The following STYK1 variants were observed in gnomAD, a reference collection of about 807,000 sequenced individuals.
STYK1 encodes the protein STY kinase 1.
In STYK1, 46 loss-of-function variants were observed where a neutral mutation model predicts 48.1. The observed-to-expected ratio is 0.96, with a 90% CI of 0.75 to 1.22. The LOEUF (loss-of-function observed/expected upper bound fraction) is 1.22. STYK1 is among the 50% of genes most tolerant of loss of function. The pLI is 0.00. For synonymous variants in STYK1, 188 were observed against 189.0 expected, an observed-to-expected ratio of 0.99 and a Z score of 0.04; for missense variants, 527 against 521.1, an observed-to-expected ratio of 1.01 and a Z score of -0.11.
At chr12:10,645,531 A>G (rs1270261855) in intron 1 of STYK1, among the ~76,000 whole-genome samples, 1 of 152,174 alleles carries the variant, frequency 6.6e-6, no homozygotes, top group Non-Finnish European at 1.5e-5. Context: ...ACAAAGCCTA[A>G]ACACACACAC....
intron 6 of STYK1, 34 bp downstream of exon 6, chr12:10,629,459 C>T: frequency 6.2e-7 from 1 of 1,610,314 alleles, no homozygotes; most frequent in South Asian, 1.1e-5. Flanking sequence ...AAGGTCAAGC[C>T]TTAACCTCCT....
intron 1 of STYK1, among the ~76,000 whole-genome samples, chr12:10,651,463 G>A (rs942257348): frequency 2.6e-5 from 4 of 152,038 alleles, no homozygotes; most frequent in African/African-American, 7.2e-5. Context: ...AATTGGGTTT[G>A]CAATATTATC....
In STYK1 at chr12:10,634,070, A is replaced by G. The variant is rs997416875; in HGVS notation, c.107T>C (p.Ile36Thr). Reference sequence around the variant, plus strand: ...GATGACCCCAAGAAGGATGAGGAAGATAGTAACCAACAAAGTTGGGACGAT... The same window carrying G: ...GATGACCCCAAGAAGGATGAGGAAGGTAGTAACCAACAAAGTTGGGACGAT... ...VIIVPTLLVT[I>T]FLILLGVILW... Residue 36 changes from isoleucine (I) to threonine (T), a missense_variant, in exon 4 of 11, where the codon ATC (isoleucine) becomes ACC (threonine). Ile to Thr is a moderately conservative substitution (Grantham distance 89, BLOSUM62 -1). Coordinates refer to ENST00000075503, the MANE Select transcript of STYK1 (RefSeq NM_018423.3). 3.1e-6 allele frequency: 5 copies of G among 1,614,062 alleles called. No individual in the cohort carries two copies. The highest frequency in any genetic ancestry group is 1.3e-5 in the African/African-American group (1 of 74,916).
chr12:10,647,191 C>T (rs1473939060), intron 1 of STYK1, among the ~76,000 whole-genome samples: 2 of 152,198 alleles, frequency 1.3e-5, no homozygotes, highest in East Asian at 3.9e-4. Context: ...GCACCATGTG[C>T]CTGGGAAAGC....
rs1336839508 is a variant in STYK1, at chr12:10,619,035, GTAT to G, written c.*1106_*1108del. On this transcript the variant is annotated 3_prime_UTR_variant, in exon 11 of 11. Transcript: ENST00000075503. Reference sequence around the variant, plus strand: ...TCCTCAGAACAACCTTGTGAAATAGGTATTATCCCCATTTACACATAAAGAATC... The same window carrying G: ...TCCTCAGAACAACCTTGTGAAATAGGTATCCCCATTTACACATAAAGAATC... 1 of 151,996 alleles carries G rather than the reference GTAT, an allele frequency of 6.6e-6. No individual in the cohort carries two copies. The highest frequency in any genetic ancestry group is 6.6e-5 in the Admixed American group (1 of 15,262). The allele number at this position is 151,996 out of a possible 1,614,324, so 9.4% of individuals were successfully genotyped here.
chr12:10,624,802 T>A lies in STYK1; in HGVS notation c.775A>T (p.Met259Leu). 6.2e-7 allele frequency: 1 copy of A among 1,614,146 alleles called. No individual in the cohort carries two copies. The highest frequency in any genetic ancestry group is 8.5e-7 in the Non-Finnish European group (1 of 1,180,032). Reference protein sequence around the residue: ...HGDVAARNILMQSDLTAKLCG... With the variant: ...HGDVAARNILLQSDLTAKLCG... Reference sequence around the variant, plus strand: ...AGCTTAGCAGTGAGATCACTTTGCATCAGAATATTCCTGGCTGCCACATCC... The same window carrying A: ...AGCTTAGCAGTGAGATCACTTTGCAACAGAATATTCCTGGCTGCCACATCC... Residue 259 changes from methionine (M) to leucine (L), a missense_variant, in exon 8 of 11, where the codon ATG becomes TTG. By Grantham distance (15) the Met-to-Leu change is conservative. Transcript: ENST00000075503.
At chr12:10,647,874 A>G (rs937789628) in intron 1 of STYK1, among the ~76,000 whole-genome samples, 4 of 152,194 alleles carry the variant, frequency 2.6e-5, no homozygotes, top group Non-Finnish European at 4.4e-5. Flanking sequence ...CATCATTCAC[A>G]TAAGATGTGA....
At chr12:10,668,286 G>A (rs915049382) in intron 1 of STYK1, among the ~76,000 whole-genome samples, 2 of 151,914 alleles carry the variant, frequency 1.3e-5, no homozygotes, top group Non-Finnish European at 2.9e-5. Context: ...CGGATTTCAG[G>A]TCCCCCGGAC....
At chr12:10,646,611 A>C (rs1264283771) in intron 1 of STYK1, among the ~76,000 whole-genome samples, 1 of 152,252 alleles carries the variant, frequency 6.6e-6, no homozygotes, top group Non-Finnish European at 1.5e-5. Flanking sequence ...GGAGAAATTC[A>C]AGCCAGCTGC....
At chr12:10,633,923 A>G (rs1947456523) in intron 4 of STYK1, 67 bp downstream of exon 4, 1 of 1,576,256 alleles carries the variant, frequency 6.3e-7, no homozygotes, top group Non-Finnish European at 8.6e-7. Flanking sequence ...ATTGAAACTT[A>G]GACCATACTT....
At chr12:10,666,653 T>C (rs576310775) in intron 1 of STYK1, among the ~76,000 whole-genome samples, 1 of 152,254 alleles carries the variant, frequency 6.6e-6, no homozygotes, top group African/African-American at 2.4e-5. Flanking sequence ...TGGGAGGTGA[T>C]TGGATCATGG....
intron 5 of STYK1, among the ~76,000 whole-genome samples, chr12:10,630,117 G>A (rs111700601): frequency 0.014 from 2,120 of 150,090 alleles, 56 homozygotes; most frequent in African/African-American, 0.05. Context: ...TGGGCATGAT[G>A]GCTCACACCT....
chr12:10,630,800 A>G (rs944243067), intron 5 of STYK1, among the ~76,000 whole-genome samples: 4 of 152,030 alleles, frequency 2.6e-5, no homozygotes, highest in Admixed American at 2.0e-4. Flanking sequence ...TCATAACATT[A>G]TGCTTATTTG....
chr12:10,657,888 T>C (rs565478732), intron 1 of STYK1, among the ~76,000 whole-genome samples: 14 of 152,310 alleles, frequency 9.2e-5, no homozygotes, highest in African/African-American at 3.4e-4. Flanking sequence ...ATGCAAGGTG[T>C]GTAAGGAAAG....
chr12:10,649,975 G>A (rs1306411878), intron 1 of STYK1, among the ~76,000 whole-genome samples: 10 of 151,942 alleles, frequency 6.6e-5, no homozygotes, highest in South Asian at 2.1e-4. Flanking sequence ...TTAGCCAGGC[G>A]TGGTGGCGGG....
At chr12:10,634,748 A>T in intron 2 of STYK1, 62 bp from the exon 3 acceptor site, 1 of 1,069,640 alleles carries the variant, frequency 9.3e-7, no homozygotes, top group Non-Finnish European at 1.4e-6. Flanking sequence ...TGAAGTACAC[A>T]CAGAATTTTA....
At chr12:10,626,424 C>G (rs1469078960) in intron 7 of STYK1, among the ~76,000 whole-genome samples, 1 of 152,122 alleles carries the variant, frequency 6.6e-6, no homozygotes, top group African/African-American at 2.4e-5. Flanking sequence ...CTCCCTTGTC[C>G]CATGGGAGCT....
chr12:10,631,441 C>T (rs1947428552), intron 4 of STYK1, 133 bp from the exon 5 acceptor site: 2 of 1,110,760 alleles, frequency 1.8e-6, no homozygotes, highest in Admixed American at 5.3e-5. Flanking sequence ...TCTTCTGATG[C>T]TTCTCTATAA....
chr12:10,658,356 TTTTTAAA>T (rs1947740860), intron 1 of STYK1, among the ~76,000 whole-genome samples: 1 of 152,220 alleles, frequency 6.6e-6, no homozygotes, highest in Admixed American at 6.5e-5. Context: ...TTGTGTAATA[TTTTTAAA>T]AACGAAATTT....
Sources: allele counts gnomAD v4.1 joint callset (sites outside exome capture counted in the v4.1 genomes callset), GRCh38; gene constraint gnomAD v4.1.1; transcripts MANE v1.5; gene names NCBI Gene and HGNC (gene_info 2026-07-23, HGNC 2026-07-21).